The following ZNF48 variants were observed in gnomAD, a reference collection of about 807,000 sequenced individuals.
ZNF48 encodes the protein zinc finger protein 553.
Under a neutral mutation model 40.0 loss-of-function variants are expected in ZNF48, and 20 were observed. The observed-to-expected ratio is 0.50, with a 90% confidence interval of 0.35 to 0.73. The LOEUF is 0.73. Among genes scored for constraint, ZNF48 ranks in the 30% least tolerant of loss-of-function variants. ZNF48 has a pLI of 0.01. For synonymous variants in ZNF48, 298 were observed against 329.7 expected (o/e 0.90, Z 1.04); for missense variants, 726 against 851.9 (o/e 0.85, Z 1.84).
At chr16:30,387,089 C>T (rs2049906662) in intron 1 of ZNF48, among the ~76,000 whole-genome samples, 8 of 150,878 alleles carry the variant, frequency 5.3e-5, no homozygotes, top group Admixed American at 4.6e-4. Flanking sequence ...ACTACAGGTG[C>T]CCACCACCAT....
At chr16:30,385,275 C>T (rs1026185064) in intron 1 of ZNF48, among the ~76,000 whole-genome samples, 1 of 151,868 alleles carries the variant, frequency 6.6e-6, no homozygotes, top group Admixed American at 6.6e-5. Flanking sequence ...CAGCACTCCA[C>T]CACCGGCCTT....
intron 1 of ZNF48, among the ~76,000 whole-genome samples, chr16:30,388,658 G>C (rs562139176): frequency 6.6e-6 from 1 of 151,830 alleles, no homozygotes; most frequent in African/African-American, 2.4e-5. Context: ...GGAGATCAAC[G>C]TGGGTGGATC....
At position 30,382,441 on chromosome 16, in the gene ZNF48, C is replaced by A; in HGVS notation, c.-16+4031C>A. On this transcript the variant is annotated intron_variant, in intron 1 of 2. Transcript: ENST00000528032. The surrounding 1 kb of genome is among the most constrained non-coding windows in gnomAD (Gnocchi z 4.8). The stretch of plus-strand genomic sequence containing the variant: ...CCCCAGGATCACTTGAGTTCCTGGG[C>A]TAGGAAGAGTCAGTGGGGTCTGGGG... 1.3e-6 allele frequency: 2 copies of A among 1,568,940 alleles called. No homozygotes were observed. The highest frequency in any genetic ancestry group is 1.7e-5 in the Admixed American group (1 of 57,158).
rs1045365913 is a variant in ZNF48 at position 30,395,700 on chromosome 16, G to A, written c.-15-80G>A. The A allele has an allele frequency of 7.6e-6, 9 of 1,184,888 alleles. No individual in the cohort carries two copies. In the African/African-American group the frequency reaches 1.3e-4, roughly 17 times the overall value. 73.4% of individuals were successfully genotyped at this position (1,184,888 alleles called of 1,614,324 possible). ...CCGACGCCGCCCGGTGCCCGCGCTG[G>A]CCGGCAGAGGGCAGCGGCAGGGCGC... On this transcript the variant is annotated intron_variant, in intron 1 of 2. Transcript: ENST00000613509. This position sits in a 1 kb window ranked among gnomAD's most constrained non-coding sequence, Gnocchi z 5.9.
At position 30,382,764 on chromosome 16, in the gene ZNF48, A is replaced by C. The variant is rs2049868873; in HGVS notation, c.-16+4354A>C. The C allele has an allele frequency of 2.0e-6, 3 of 1,535,926 alleles. No individual in the cohort carries two copies. Among genetic ancestry groups the C allele is most frequent in the Non-Finnish European group, 2.6e-6 (3 of 1,146,874 alleles). On this transcript the variant is annotated intron_variant, in intron 1 of 2. Coordinates refer to the ZNF48 transcript ENST00000528032. This position sits in a 1 kb window ranked among gnomAD's most constrained non-coding sequence, Gnocchi z 4.8. ...AACCCTCCATCCTTCACACATCTGG[A>C]TTCCAAGTCCCACTGTAGCTCCATC... is the stretch of plus-strand genomic sequence containing the variant.
Position 30,397,440 on chromosome 16 carries a change from A to T in ZNF48, c.190A>T (p.Asn64Tyr). The change falls in exon 3 of 3, where the codon AAT becomes TAT. Residue 64 changes from asparagine (N) to tyrosine (Y), a missense_variant. Coordinates refer to ENST00000613509, the MANE Select transcript of ZNF48 (RefSeq NM_001214909.2). This position sits in a 1 kb window ranked among gnomAD's most constrained non-coding sequence, Gnocchi z 4.1. Reference sequence around the variant, plus strand: ...TTTGGCTCCAGATCATGAAGTAGGAAATGCCTCTCTCAAACCTGAAGGCAT... The same window carrying T: ...TTTGGCTCCAGATCATGAAGTAGGATATGCCTCTCTCAAACCTGAAGGCAT... ...EDLAPDHEVG[N>Y]ASLKPEGIQN... 6.2e-7 allele frequency: 1 copy of T among 1,614,058 alleles called. No homozygotes were observed. Among genetic ancestry groups the T allele is most frequent in the Non-Finnish European group, 8.5e-7 (1 of 1,180,010 alleles).
At chr16:30,378,590 G>A (rs1452053684) in intron 1 of ZNF48, 8 of 1,610,780 alleles carry the variant, frequency 5.0e-6, no homozygotes, top group East Asian at 2.2e-5. Context: ...CGGTCGGGGG[G>A]AAGCGAGGTG....
At position 30,398,095 on chromosome 16, in the gene ZNF48, A is replaced by G. The variant is rs2050006845; in HGVS notation, c.845A>G (p.Lys282Arg). ...DKPYICTDCG[K>R]RFVLSCSLLS... The stretch of plus-strand genomic sequence containing the variant: ...CCATATATCTGCACTGATTGCGGCA[A>G]GAGGTTTGTGCTCAGCTGCAGCCTC... Residue 282 changes from lysine (K) to arginine (R), a missense_variant, in exon 3 of 3, where the codon AAG (lysine) becomes AGG (arginine). Lys to Arg is a conservative substitution (Grantham distance 26). Around this residue, in one of 5 missense-constraint regions of ZNF48, gnomAD observed 378 missense variants for 449.1 expected, o/e 0.84. Transcript: ENST00000613509. This position sits in a 1 kb window ranked among gnomAD's most constrained non-coding sequence, Gnocchi z 6.6. 1.9e-6 allele frequency: 3 copies of G among 1,613,486 alleles called. No individual in the cohort carries two copies. The highest frequency in any genetic ancestry group is 1.3e-5 in the African/African-American group (1 of 75,056).
At position 30,382,056 on chromosome 16, in the gene ZNF48, A is replaced by G. The variant is rs1265192740; in HGVS notation, c.-16+3646A>G. The G allele has an allele frequency of 6.3e-7, 1 of 1,582,276 alleles. No homozygotes were observed. The highest frequency in any genetic ancestry group is 8.6e-7 in the Non-Finnish European group (1 of 1,162,276). ...AAAGACTAGGGTGTAACCTGGGGAC[A>G]GGGGCTACTGCCTCAAGAGGGTGGG... On this transcript the variant is annotated intron_variant, in intron 1 of 2. Coordinates refer to the ZNF48 transcript ENST00000528032. This position sits in a 1 kb window ranked among gnomAD's most constrained non-coding sequence, Gnocchi z 4.8.
In ZNF48 at chr16:30,399,048, G is replaced by A; in HGVS notation, c.1798G>A (p.Gly600Arg). 1 of 1,612,080 alleles carries A rather than the reference G, an allele frequency of 6.2e-7. No individual in the cohort carries two copies. ...QRGHLVLTPF[G>R]IGDGRARPLK... ...TGGGCACCTGGTCCTGACGCCCTTT[G>A]GGATAGGGGATGGTAGGGCAAGGCC... Residue 600 changes from glycine to arginine, a missense_variant, in exon 3 of 3, where the codon GGG (glycine) becomes AGG (arginine). Transcript: ENST00000613509.
At chr16:30,391,843 GGGGGGT>G (rs2049944672), upstream of ZNF48, among the ~76,000 whole-genome samples, 1 of 148,892 alleles carries the variant, frequency 6.7e-6, no homozygotes, top group South Asian at 2.1e-4. Flanking sequence ...TTTTTTGGCG[GGGGGGT>G]GGGGGTGGGA....
At position 30,397,158 on chromosome 16, in the gene ZNF48, AAG is replaced by A. The variant is rs2151118134; in HGVS notation, c.80-170_80-169del. ...TGACATACATTAAGGGCACAGTAAA[AAG>A]AAGTTTTTATTGAGAGGCACAGATA... On this transcript the variant is annotated intron_variant, in intron 2 of 2. Transcript: ENST00000613509. This position sits in a 1 kb window ranked among gnomAD's most constrained non-coding sequence, Gnocchi z 4.1. Among the ~76,000 whole-genome samples, 1 of 152,274 alleles carries A rather than the reference AAG, an allele frequency of 6.6e-6. No homozygotes were observed. Among genetic ancestry groups the A allele is most frequent in the South Asian group, 2.1e-4 (1 of 4,826 alleles).
At chr16:30,384,230 C>T (rs369184545) in intron 1 of ZNF48, among the ~76,000 whole-genome samples, 44 of 149,278 alleles carry the variant, frequency 2.9e-4, no homozygotes, top group African/African-American at 1.0e-3. Flanking sequence ...AACAAACAAA[C>T]AAACAAATCT....
chr16:30,389,406 A>T (rs1407599227), intron 1 of ZNF48, among the ~76,000 whole-genome samples: 3 of 145,890 alleles, frequency 2.1e-5, no homozygotes, highest in East Asian at 2.0e-4. Flanking sequence ...AAAAAAAAAA[A>T]TAATAATAAT....
chr16:30,397,323 T>C lies in ZNF48; in HGVS notation c.80-7T>C. The C allele has an allele frequency of 6.2e-7, 1 of 1,601,382 alleles. No individual in the cohort carries two copies. The highest frequency in any genetic ancestry group is 1.1e-5 in the South Asian group (1 of 89,136). ...GGAGGGTCTACAACTTCCTTTTCTTTCCTCAGGTCTAGGGAGTGAGAACGT... is the reference window on the plus strand; with the variant it reads ...GGAGGGTCTACAACTTCCTTTTCTTCCCTCAGGTCTAGGGAGTGAGAACGT... On this transcript the variant is annotated splice_region_variant and splice_polypyrimidine_tract_variant and intron_variant, in intron 2 of 2. Coordinates refer to ENST00000613509, the MANE Select transcript of ZNF48 (RefSeq NM_001214909.2). The surrounding 1 kb of genome is among the most constrained non-coding windows in gnomAD (Gnocchi z 4.1).
upstream of ZNF48, among the ~76,000 whole-genome samples, chr16:30,393,233 C>T (rs1023377217): frequency 1.3e-5 from 2 of 151,932 alleles, no homozygotes; most frequent in South Asian, 2.1e-4. Flanking sequence ...CCTGCCACCA[C>T]GCCCTGCTAA....
chr16:30,388,596 AAAC>A (rs1361829855), intron 1 of ZNF48, among the ~76,000 whole-genome samples: 1 of 152,170 alleles, frequency 6.6e-6, no homozygotes, highest in African/African-American at 2.4e-5. Context: ...GTCTCAAAAA[AAAC>A]AACCACAGTC....
intron 1 of ZNF48, among the ~76,000 whole-genome samples, chr16:30,383,301 G>A (rs944963614): frequency 1.5e-4 from 23 of 152,216 alleles, no homozygotes; most frequent in African/African-American, 5.3e-4. Flanking sequence ...CCATTCTCCT[G>A]CCTCAGCCTC....
At chr16:30,396,688 CTTTTTTT>C (rs1167683501) in intron 2 of ZNF48, among the ~76,000 whole-genome samples, 9 of 112,066 alleles carry the variant, frequency 8.0e-5, no homozygotes, top group East Asian at 2.3e-4. Context: ...CGCTTTGCTA[CTTTTTTT>C]TTTTTTTTTT....
Sources: allele counts gnomAD v4.1 joint callset (sites outside exome capture counted in the v4.1 genomes callset), GRCh38; gene constraint gnomAD v4.1.1; regional missense constraint gnomAD v4.1.1; non-coding constraint Gnocchi (gnomAD v3.1); transcripts MANE v1.5; gene names NCBI Gene and HGNC (gene_info 2026-07-23, HGNC 2026-07-21).